Variants in CNNM1 observed in about 807,000 individuals in gnomAD.
The protein encoded by CNNM1 is metal transporter CNNM1.
CNNM1 carries 44 observed loss-of-function variants against 78.8 expected under a neutral mutation model. That is an observed-to-expected ratio of 0.56 (90% CI 0.44 to 0.72). The LOEUF is 0.72. CNNM1 is among the 30% of genes least tolerant of loss of function. The probability of loss-of-function intolerance (pLI) is 0.00; values close to 1 mark genes in which losing one functional copy is unlikely to be tolerated. For missense variants in CNNM1, 1,101 were observed against 1,292.2 expected, an observed-to-expected ratio of 0.85 and a Z score of 2.27; for synonymous variants, 584 against 581.5, an observed-to-expected ratio of 1.00 and a Z score of -0.06.
chr10:99,389,253 T>TA (rs997300486), intron 9 of CNNM1, among the ~76,000 whole-genome samples: 44 of 151,056 alleles, frequency 2.9e-4, no homozygotes, highest in Non-Finnish European at 5.0e-4. Context: ...CTGTCTCTAC[T>TA]AAAAAAAACA....
At chr10:99,333,342 G>GGTTT (rs142222343) in intron 1 of CNNM1, among the ~76,000 whole-genome samples, 2,760 of 152,084 alleles carry the variant, frequency 0.018, 48 homozygotes, top group Non-Finnish European at 0.028. Flanking sequence ...CATTTGTTTA[G>GGTTT]GTTTGTTTGT....
chr10:99,341,025 G>A (rs1163237733), intron 1 of CNNM1, among the ~76,000 whole-genome samples: 1 of 152,046 alleles, frequency 6.6e-6, no homozygotes, highest in African/African-American at 2.4e-5. Flanking sequence ...GCGACACCAA[G>A]CAATAAATAA....
intron 6 of CNNM1, among the ~76,000 whole-genome samples, chr10:99,366,408 G>A (rs2031619854): frequency 6.6e-6 from 1 of 151,562 alleles, no homozygotes; most frequent in African/African-American, 2.4e-5. Context: ...AAAAGAGGTG[G>A]AAATTCTGAG....
intron 7 of CNNM1, among the ~76,000 whole-genome samples, chr10:99,384,661 A>T (rs147669426): frequency 9.2e-5 from 14 of 152,220 alleles, no homozygotes; most frequent in African/African-American, 3.4e-4. Context: ...CAGTATTGTT[A>T]CCAAAAATAC....
chr10:99,363,375 A>G lies in CNNM1; in HGVS notation c.2028+979A>G, dbSNP rs56905527. 6.2e-3 allele frequency among the ~76,000 whole-genome samples: 945 copies of G among 152,370 alleles called. 11 individuals carry two copies. Among genetic ancestry groups the G allele is most frequent in the African/African-American group, 0.021 (894 of 41,588 alleles). On this transcript the variant is annotated intron_variant, in intron 4 of 10. Coordinates refer to ENST00000356713, the MANE Select transcript of CNNM1 (RefSeq NM_020348.3). ...CCTGTTACATTGTTTGTATAATGTAATGATCACATAGTTTCATGTCTTATG... is the reference window on the plus strand; with the variant it reads ...CCTGTTACATTGTTTGTATAATGTAGTGATCACATAGTTTCATGTCTTATG...
intron 7 of CNNM1, among the ~76,000 whole-genome samples, chr10:99,381,861 T>C (rs2032174420): frequency 6.6e-6 from 1 of 151,894 alleles, no homozygotes; most frequent in African/African-American, 2.4e-5. Context: ...TGTTTTGATT[T>C]TCTCTTTTCT....
rs781078262 is a variant in CNNM1, at chr10:99,330,738, G to A, written c.1351G>A (p.Ala451Thr). 1 of 1,613,990 alleles carries A rather than the reference G, an allele frequency of 6.2e-7. No homozygotes were observed. The highest frequency in any genetic ancestry group is 1.7e-5 in the Admixed American group (1 of 60,018). The change falls in exon 1 of 11, where the codon GCC becomes ACC. Residue 451 changes from alanine to threonine, a missense_variant. Around this residue, in one of 3 missense-constraint regions of CNNM1, gnomAD observed 277 missense variants for 423.2 expected, o/e 0.65. Transcript: ENST00000356713. ...MLRSDAVLDF[A>T]TVSEILRSGY... ...GCGCTCAGACGCGGTGCTCGACTTC[G>A]CCACTGTCTCCGAGATCCTGCGCAG...
chr10:99,386,866 T>C (rs768017918), intron 7 of CNNM1, among the ~76,000 whole-genome samples: 1 of 152,164 alleles, frequency 6.6e-6, no homozygotes, highest in Non-Finnish European at 1.5e-5. Context: ...TGAGCAGAAT[T>C]TGTGGTTTTG....
intron 7 of CNNM1, among the ~76,000 whole-genome samples, chr10:99,386,989 C>T (rs555282900): frequency 6.6e-6 from 1 of 152,268 alleles, no homozygotes; most frequent in South Asian, 2.1e-4. Context: ...CAGTGCCAGC[C>T]GCTGATGAGT....
At chr10:99,385,465 G>C (rs940186375) in intron 7 of CNNM1, among the ~76,000 whole-genome samples, 2 of 152,152 alleles carry the variant, frequency 1.3e-5, no homozygotes, top group African/African-American at 4.8e-5. Context: ...GGGGCAGAGA[G>C]GACACTGCTC....
chr10:99,369,943 A>C (rs560445472), intron 6 of CNNM1, among the ~76,000 whole-genome samples: 18 of 152,292 alleles, frequency 1.2e-4, no homozygotes, highest in African/African-American at 4.3e-4. Context: ...GTGAAGGTTC[A>C]GAGGAAAGGG....
At chr10:99,343,390 TAAACA>T (rs1287221051) in intron 1 of CNNM1, among the ~76,000 whole-genome samples, 1 of 152,228 alleles carries the variant, frequency 6.6e-6, no homozygotes, top group East Asian at 1.9e-4. Flanking sequence ...AATGACCATA[TAAACA>T]AATATCACAG....
At chr10:99,379,545 G>T (rs1297353507) in intron 7 of CNNM1, among the ~76,000 whole-genome samples, 2 of 152,134 alleles carry the variant, frequency 1.3e-5, no homozygotes, top group South Asian at 2.1e-4. Context: ...GTGTGCAAAG[G>T]CAGAGGCTCC....
chr10:99,389,733 G>C (rs756574139), intron 9 of CNNM1, among the ~76,000 whole-genome samples: 3 of 152,200 alleles, frequency 2.0e-5, no homozygotes, highest in African/African-American at 4.8e-5. Context: ...TCAGAAGCAG[G>C]CTCAGCCTCA....
chr10:99,350,172 G>A (rs1388129243), intron 1 of CNNM1, among the ~76,000 whole-genome samples: 1 of 152,166 alleles, frequency 6.6e-6, no homozygotes, highest in African/African-American at 2.4e-5. Flanking sequence ...AAGTGACCAA[G>A]ACCAAGGTAA....
Position 99,330,494 on chromosome 10 carries a change from C to A in CNNM1, c.1107C>A (p.Ala369=), listed in dbSNP as rs1242183837. 2 of 1,583,764 alleles carry A rather than the reference C, an allele frequency of 1.3e-6. No individual in the cohort carries two copies. The highest frequency in any genetic ancestry group is 1.3e-5 in the African/African-American group (1 of 74,400). ...VCLTRLLMAA[A]FPVCYPLGRL... ...TGACCCGGCTTCTGATGGCAGCCGC[C>A]TTCCCCGTGTGCTACCCGCTGGGCC... The change falls in exon 1 of 11, where the codon GCC becomes GCA. Residue 369 remains alanine, a synonymous_variant. Coordinates refer to ENST00000356713, the MANE Select transcript of CNNM1 (RefSeq NM_020348.3).
At chr10:99,363,529 A>G (rs2031505923) in intron 4 of CNNM1, among the ~76,000 whole-genome samples, 1 of 152,146 alleles carries the variant, frequency 6.6e-6, no homozygotes, top group Admixed American at 6.5e-5. Flanking sequence ...AACCTGGACC[A>G]AGTTATTCAA....
chr10:99,391,356 T>A (rs2032466691), intron 10 of CNNM1, 81 bp from the exon 11 acceptor site: 2 of 1,099,434 alleles, frequency 1.8e-6, no homozygotes, highest in Admixed American at 4.1e-5. Flanking sequence ...TGCTTCTGTT[T>A]TGAAAAGAAC....
intron 1 of CNNM1, among the ~76,000 whole-genome samples, chr10:99,340,915 T>TGCCTGCC (rs1564939616): frequency 1.3e-5 from 2 of 152,048 alleles, no homozygotes; most frequent in African/African-American, 2.4e-5. Flanking sequence ...CCTGCCTGTA[T>TGCCTGCC]TGAATGGCCA....
Sources: gnomAD v4.1 joint callset for allele counts (sites outside exome capture counted in the v4.1 genomes callset) on GRCh38, gnomAD v4.1.1 for gene constraint, gnomAD v4.1.1 regional missense constraint, MANE v1.5 for transcripts, NCBI Gene and HGNC (gene_info 2026-07-23, HGNC 2026-07-21) for gene names.